Variants in SLC22A9 observed in about 807,000 individuals in gnomAD.
SLC22A9 encodes the protein solute carrier family 22 member 9, also known as organic anion transporter 7.
Under a neutral mutation model 50.1 loss-of-function variants are expected in SLC22A9, and 64 were observed. The ratio of observed to expected loss-of-function variants is 1.28; its 90% CI spans 1.04 to 1.57. The LOEUF (loss-of-function observed/expected upper bound fraction) is 1.57, where lower values mean the gene tolerates loss of function less well. Ranked by LOEUF, SLC22A9 falls within the 40% of genes most tolerant of loss-of-function variation. The pLI, the probability that SLC22A9 is intolerant of heterozygous loss-of-function variation, is 0.00. For missense variants in SLC22A9, 757 were observed against 676.1 expected (o/e 1.12, Z -1.33); for synonymous variants, 261 against 242.5 (o/e 1.08, Z -0.71).
At position 63,403,620 on chromosome 11, in the gene SLC22A9, G is replaced by A. The variant is rs186796023; in HGVS notation, c.1074-2877G>A. On this transcript the variant is annotated intron_variant, in intron 6 of 9. Transcript: ENST00000279178. ...CTGAAAACTCTTCCTTTAAGATCAA[G>A]AACAAGATAAGGATTCTACTCTCAC... 2.8e-3 allele frequency among the ~76,000 whole-genome samples: 431 copies of A among 152,008 alleles called. 3 individuals are homozygous for A. The highest frequency in any genetic ancestry group is 8.9e-3 in the African/African-American group (368 of 41,478).
intron 6 of SLC22A9, among the ~76,000 whole-genome samples, chr11:63,397,909 G>A (rs960410100): frequency 4.6e-5 from 7 of 151,944 alleles, no homozygotes; most frequent in African/African-American, 1.2e-4. Flanking sequence ...GCTGCAAGAC[G>A]AAGCCTCCTT....
In SLC22A9 at chr11:63,404,125, C is replaced by G. The variant is rs374146176; in HGVS notation, c.1074-2372C>G. The stretch of plus-strand genomic sequence containing the variant: ...ATTCATTTACATATGAATGAATAAG[C>G]AAAATATGTTATATACCTATAATGG... On this transcript the variant is annotated intron_variant, in intron 6 of 9. Transcript: ENST00000279178. 3.0e-4 allele frequency among the ~76,000 whole-genome samples: 46 copies of G among 151,994 alleles called. 1 individual carries two copies. In the South Asian group the frequency reaches 9.1e-3, roughly 30 times the overall value.
intron 5 of SLC22A9, among the ~76,000 whole-genome samples, chr11:63,376,854 A>C (rs1043302713): frequency 2.6e-5 from 4 of 152,106 alleles, no homozygotes; most frequent in African/African-American, 7.2e-5. Context: ...GGATAAAGAA[A>C]AATCTAACAA....
chr11:63,379,430 ACCATT>A (rs2014522335), intron 5 of SLC22A9, among the ~76,000 whole-genome samples: 2 of 152,218 alleles, frequency 1.3e-5, no homozygotes, highest in Non-Finnish European at 1.5e-5. Context: ...CATAGAAGAT[ACCATT>A]CTGGACAAAG....
intron 6 of SLC22A9, among the ~76,000 whole-genome samples, chr11:63,403,917 A>C (rs536657537): frequency 6.6e-6 from 1 of 152,176 alleles, no homozygotes; most frequent in South Asian, 2.1e-4. Context: ...GGCCATATAA[A>C]ATGCTACACT....
chr11:63,384,346 T>C (rs2014623069), intron 6 of SLC22A9, among the ~76,000 whole-genome samples: 2 of 152,018 alleles, frequency 1.3e-5, no homozygotes, highest in East Asian at 1.9e-4. Context: ...CCTGTGTCTA[T>C]GTGTTCTCAT....
Position 63,406,487 on chromosome 11 carries a change from A to G in SLC22A9, c.1074-10A>G. On this transcript the variant is annotated splice_polypyrimidine_tract_variant and intron_variant, in intron 6 of 9. Coordinates refer to ENST00000279178, the MANE Select transcript of SLC22A9 (RefSeq NM_080866.3). ...TTATAATATGTTTCTTTCCTTTTTA[A>G]TCATCACAGATTTGCAAACTTTATG... The G allele has an allele frequency of 6.2e-7, 1 of 1,609,564 alleles. No homozygotes were observed.
intron 6 of SLC22A9, among the ~76,000 whole-genome samples, chr11:63,386,863 T>C (rs1008089978): frequency 1.3e-5 from 2 of 151,826 alleles, no homozygotes; most frequent in Admixed American, 6.6e-5. Flanking sequence ...TTGTTTTGTT[T>C]TGTTTTTTGT....
rs1470764697 is a variant in SLC22A9 at position 63,406,613 on chromosome 11, C to T, written c.1190C>T (p.Ala397Val). ...GTCATCCTCCTGGCCAACTGTGTTG[C>T]ACCTTGGGCACTGAAATACATGAAC... is the stretch of plus-strand genomic sequence containing the variant. ...GAVILLANCV[A>V]PWALKYMNRR... Residue 397 changes from alanine (A) to valine (V), a missense_variant, in exon 7 of 10, where the codon GCA (alanine) becomes GTA (valine). By Grantham distance (64) the Ala-to-Val change is moderately conservative. Transcript: ENST00000279178. 6.2e-7 allele frequency: 1 copy of T among 1,613,838 alleles called. No homozygotes were observed.
rs1360864082 is a variant in SLC22A9, at chr11:63,370,196, A to G, written c.140A>G (p.His47Arg). The change falls in exon 1 of 10, where the codon CAT becomes CGT. Residue 47 changes from histidine to arginine, a missense_variant. His to Arg is a conservative substitution (Grantham distance 29, BLOSUM62 0). Transcript: ENST00000279178. The stretch of plus-strand genomic sequence containing the variant: ...AACTTCACTGCATTCATACCTGGCC[A>G]TCGCTGCTGGGTCCACATCCTGGAC... Reference protein sequence around the residue: ...LENFTAFIPGHRCWVHILDND... With the variant: ...LENFTAFIPGRRCWVHILDND... 1.9e-6 allele frequency: 3 copies of G among 1,614,030 alleles called. No individual in the cohort carries two copies. The highest frequency in any genetic ancestry group is 2.5e-6 in the Non-Finnish European group (3 of 1,179,926).
intron 5 of SLC22A9, 77 bp from the exon 6 acceptor site, chr11:63,382,082 G>A: frequency 1.0e-6 from 1 of 995,108 alleles, no homozygotes; most frequent in Non-Finnish European, 1.5e-6. Context: ...CTTCTCATCT[G>A]TGGGTTGACC....
At chr11:63,380,314 C>A (rs764050315) in intron 5 of SLC22A9, among the ~76,000 whole-genome samples, 1 of 152,078 alleles carries the variant, frequency 6.6e-6, no homozygotes, top group African/African-American at 2.4e-5. Context: ...AATTACCATT[C>A]GACCCAGCAA....
intron 6 of SLC22A9, among the ~76,000 whole-genome samples, chr11:63,387,048 T>C (rs2014682247): frequency 6.6e-6 from 1 of 152,110 alleles, no homozygotes; most frequent in Admixed American, 6.6e-5. Flanking sequence ...TAAATTTCCC[T>C]CTTAACACTG....
chr11:63,388,082 T>C (rs2014700366), intron 6 of SLC22A9, among the ~76,000 whole-genome samples: 1 of 151,988 alleles, frequency 6.6e-6, no homozygotes, highest in Non-Finnish European at 1.5e-5. Context: ...GGTCTTTAGA[T>C]TTTTCCAAAT....
intron 1 of SLC22A9, 99 bp from the exon 2 acceptor site, chr11:63,371,036 G>A (rs1357586265): frequency 3.7e-6 from 3 of 811,856 alleles, no homozygotes; most frequent in African/African-American, 3.4e-5. Context: ...GGAAGTTAGA[G>A]ACTTAATATT....
chr11:63,398,707 G>T (rs1020185383), intron 6 of SLC22A9, among the ~76,000 whole-genome samples: 4 of 152,176 alleles, frequency 2.6e-5, no homozygotes, highest in Admixed American at 1.3e-4. Context: ...GATGGGCAGG[G>T]TTGGCACTGG....
At chr11:63,398,342 A>G (rs1370326955) in intron 6 of SLC22A9, among the ~76,000 whole-genome samples, 1 of 152,156 alleles carries the variant, frequency 6.6e-6, no homozygotes, top group Non-Finnish European at 1.5e-5. Context: ...GTCTCACTAG[A>G]TCACAGGTCC....
chr11:63,373,964 A>G lies in SLC22A9; in HGVS notation c.732A>G (p.Ala244=). ...ITLGMCPSGI[A]FMTLAGLAFA... is the part of the protein sequence containing the mutation. Reference sequence around the variant, plus strand: ...TGGGAATGTGCCCTTCTGGTATTGCATTTATGACCCTGGCAGGCCTGGCTT... The same window carrying G: ...TGGGAATGTGCCCTTCTGGTATTGCGTTTATGACCCTGGCAGGCCTGGCTT... Residue 244 remains alanine (A), a synonymous_variant, in exon 4 of 10, where the codon GCA becomes GCG. Transcript: ENST00000279178. 1.2e-6 allele frequency: 2 copies of G among 1,613,606 alleles called. No individual in the cohort carries two copies. Among genetic ancestry groups the G allele is most frequent in the South Asian group, 1.1e-5 (1 of 91,070 alleles).
At position 63,370,469 on chromosome 11, in the gene SLC22A9, C is replaced by A; in HGVS notation, c.402+11C>A. 1 of 1,555,202 alleles carries A rather than the reference C, an allele frequency of 6.4e-7. No homozygotes were observed. Among genetic ancestry groups the A allele is most frequent in the Non-Finnish European group, 8.7e-7 (1 of 1,153,654 alleles). ...ACCATCGTGACTGAGGTAAGAGGCTCTGTTCTCGTCTCATGAGTATGTGAC... is the reference window on the plus strand; with the variant it reads ...ACCATCGTGACTGAGGTAAGAGGCTATGTTCTCGTCTCATGAGTATGTGAC... On this transcript the variant is annotated intron_variant, in intron 1 of 9. Coordinates refer to ENST00000279178, the MANE Select transcript of SLC22A9 (RefSeq NM_080866.3).
Sources: gnomAD v4.1 joint callset for allele counts (sites outside exome capture counted in the v4.1 genomes callset) on GRCh38, gnomAD v4.1.1 for gene constraint, MANE v1.5 for transcripts, NCBI Gene and HGNC (gene_info 2026-07-23, HGNC 2026-07-21) for gene names.